Variants in KIF13A observed in about 807,000 individuals in gnomAD.
KIF13A encodes kinesin-like protein KIF13A.
KIF13A carries 79 observed loss-of-function variants against 212.2 expected under a neutral mutation model. That is an observed-to-expected ratio of 0.37 (90% confidence interval 0.31 to 0.45). KIF13A has a LOEUF of 0.45. Ranked by LOEUF, KIF13A falls within the 20% of genes least tolerant of loss-of-function variation. The pLI, the probability that KIF13A is intolerant of heterozygous loss-of-function variation, is 1.00. For missense variants in KIF13A, 1,901 were observed against 2,209.0 expected (o/e 0.86, Z 2.79); for synonymous variants, 789 against 808.6 (o/e 0.98, Z 0.41).
At chr6:17,862,153 T>A (rs921896905) in intron 4 of KIF13A, among the ~76,000 whole-genome samples, 1 of 152,078 alleles carries the variant, frequency 6.6e-6, no homozygotes, top group African/African-American at 2.4e-5. Flanking sequence ...ACAACTGGGA[T>A]TATAGATGTG....
chr6:17,845,107 C>T (rs1766889131), intron 9 of KIF13A, among the ~76,000 whole-genome samples: 1 of 152,110 alleles, frequency 6.6e-6, no homozygotes, highest in African/African-American at 2.4e-5. Flanking sequence ...ACATCGGTGG[C>T]AGGCAAGAGA....
At chr6:17,854,868 G>A (rs74875606) in intron 6 of KIF13A, among the ~76,000 whole-genome samples, 8,240 of 152,012 alleles carry the variant, frequency 0.054, 306 homozygotes, top group Middle Eastern at 0.082. Flanking sequence ...TTTTTTAATT[G>A]AGAAAAAGTA....
At chr6:17,821,850 A>G (rs1441582131) in intron 16 of KIF13A, 4 of 1,535,310 alleles carry the variant, frequency 2.6e-6, no homozygotes, top group Non-Finnish European at 3.5e-6. Flanking sequence ...GGATCTTCAA[A>G]TAAGACCACC....
Position 17,764,670 on chromosome 6 carries a change from A to C in KIF13A, c.4858T>G (p.Ser1620Ala). Reference sequence around the variant, plus strand: ...TTCGTCTGAATGGCCAGCTGGTCTGAGCTGTCACTAGAAGGGACCACCATG... The same window carrying C: ...TTCGTCTGAATGGCCAGCTGGTCTGCGCTGTCACTAGAAGGGACCACCATG... ...SDMVVPSSDS[S>A]DQLAIQTKDA... The change falls in exon 39 of 39, where the codon TCA becomes GCA. Residue 1620 changes from serine (S) to alanine (A), a missense_variant. Ser to Ala is a moderately conservative substitution (Grantham distance 99). Around this residue, in one of 5 missense-constraint regions of KIF13A, gnomAD observed 687 missense variants for 759.1 expected, o/e 0.90. Coordinates refer to ENST00000259711, the MANE Select transcript of KIF13A (RefSeq NM_022113.6). This position sits in a 1 kb window ranked among gnomAD's most constrained non-coding sequence, Gnocchi z 5.1. The C allele has an allele frequency of 1.2e-6, 2 of 1,613,708 alleles. No individual in the cohort carries two copies. Among genetic ancestry groups the C allele is most frequent in the Non-Finnish European group, 1.7e-6 (2 of 1,179,800 alleles).
chr6:17,935,972 T>TC (rs1776425704), intron 2 of KIF13A, among the ~76,000 whole-genome samples: 1 of 152,198 alleles, frequency 6.6e-6, no homozygotes, highest in Non-Finnish European at 1.5e-5. Flanking sequence ...AGGTTTTTTT[T>TC]CTTAACGAAA....
chr6:17,941,789 CT>C (rs201442914), intron 2 of KIF13A, among the ~76,000 whole-genome samples: 460 of 137,954 alleles, frequency 3.3e-3, no homozygotes, highest in Non-Finnish European at 3.7e-3. Flanking sequence ...AATACATTTG[CT>C]TTTTTTTTTT....
chr6:17,875,954 G>C (rs1411770632), intron 3 of KIF13A, among the ~76,000 whole-genome samples: 1 of 152,072 alleles, frequency 6.6e-6, no homozygotes, highest in African/African-American at 2.4e-5. Context: ...AATATTAAAG[G>C]CTCTAAAAAG....
intron 2 of KIF13A, among the ~76,000 whole-genome samples, chr6:17,959,119 T>C (rs1264602365): frequency 6.6e-6 from 1 of 152,134 alleles, no homozygotes; most frequent in East Asian, 1.9e-4. Flanking sequence ...GTCATTTATC[T>C]CTAAATAAAA....
At position 17,764,940 on chromosome 6, in the gene KIF13A, C is replaced by G. The variant is rs772395057; in HGVS notation, c.4588G>C (p.Glu1530Gln). 1.9e-5 allele frequency: 30 copies of G among 1,605,116 alleles called. No homozygotes were observed. The highest frequency in any genetic ancestry group is 2.4e-5 in the Non-Finnish European group (28 of 1,175,548). The change falls in exon 39 of 39, where the codon GAG becomes CAG. Residue 1530 changes from glutamate (E) to glutamine (Q), a missense_variant. By Grantham distance (29) the Glu-to-Gln change is conservative. This residue lies in a region of KIF13A where 687 missense variants were observed against 759.1 expected (regional missense o/e 0.90). Coordinates refer to ENST00000259711, the MANE Select transcript of KIF13A (RefSeq NM_022113.6). The surrounding 1 kb of genome is among the most constrained non-coding windows in gnomAD (Gnocchi z 5.1). ...NSKREKKIDS[E>Q]EEENELEAIN... ...GCTTCCAGCTCATTTTCTTCCTCCT[C>G]AGAGTCCTATAGAAGTGAAGCAAAA...
At chr6:17,955,555 C>T (rs1419342094) in intron 2 of KIF13A, among the ~76,000 whole-genome samples, 1 of 152,162 alleles carries the variant, frequency 6.6e-6, no homozygotes, top group Non-Finnish European at 1.5e-5. Flanking sequence ...AGACAATGTG[C>T]ATTCACTATA....
Position 17,892,518 on chromosome 6 carries a change from T to C in KIF13A, c.159+5650A>G, listed in dbSNP as rs947502842. The stretch of plus-strand genomic sequence containing the variant: ...TGTGCAGTGATAAGAGTGTCTTTTG[T>C]ATGCTAATGAGATGACTGGTGGCTG... On this transcript the variant is annotated intron_variant, in intron 3 of 38. Transcript: ENST00000259711. The surrounding 1 kb of genome is among the most constrained non-coding windows in gnomAD (Gnocchi z 4.7). Among the ~76,000 whole-genome samples, 8 of 152,212 alleles carry C rather than the reference T, an allele frequency of 5.3e-5. No individual in the cohort carries two copies. The highest frequency in any genetic ancestry group is 1.2e-4 in the Non-Finnish European group (8 of 68,042).
chr6:17,847,821 A>T (rs1017364421), intron 9 of KIF13A, among the ~76,000 whole-genome samples: 25 of 151,916 alleles, frequency 1.6e-4, no homozygotes, highest in African/African-American at 5.6e-4. Flanking sequence ...TATTATTATT[A>T]TTTTTTTGAG....
intron 2 of KIF13A, among the ~76,000 whole-genome samples, chr6:17,902,110 T>C (rs1396009307): frequency 1.3e-5 from 2 of 152,240 alleles, no homozygotes; most frequent in Non-Finnish European, 2.9e-5. Context: ...GAGGCAATGA[T>C]TTTGTTCAGT....
intron 3 of KIF13A, among the ~76,000 whole-genome samples, chr6:17,887,353 T>C (rs1561722620): frequency 1.3e-5 from 2 of 152,322 alleles, no homozygotes; most frequent in East Asian, 3.8e-4. Flanking sequence ...TTGTTACTGT[T>C]GCATCACGGA....
intron 3 of KIF13A, among the ~76,000 whole-genome samples, chr6:17,884,595 G>C (rs1771373977): frequency 6.6e-6 from 1 of 152,226 alleles, no homozygotes; most frequent in Non-Finnish European, 1.5e-5. Flanking sequence ...GTTTGGTTCT[G>C]TGTCAAAAAT....
In KIF13A at chr6:17,794,390, A is replaced by G; in HGVS notation, c.3081T>C (p.His1027=). ...TGGIFQLRQG[H]SRRVQVTVKP... is the part of the protein sequence containing the mutation. ...TCACCGTGACTTGTACTCTACGGGA[A>G]TGACCCTGAAGAGGGTGGGGAGGAG... Residue 1027 remains histidine (H), a synonymous_variant, in exon 25 of 39, where the codon CAT becomes CAC. Transcript: ENST00000259711. The surrounding 1 kb of genome is among the most constrained non-coding windows in gnomAD (Gnocchi z 4.1). 6.2e-7 allele frequency: 1 copy of G among 1,612,820 alleles called. No individual in the cohort carries two copies.
intron 20 of KIF13A, among the ~76,000 whole-genome samples, chr6:17,802,943 T>G (rs1259553365): frequency 7.0e-4 from 69 of 99,208 alleles, no homozygotes; most frequent in African/African-American, 2.0e-3. Flanking sequence ...TTTTTTTTTG[T>G]TTTGTTTTGA....
Position 17,963,487 on chromosome 6 carries a change from T to C in KIF13A, c.146+23567A>G, listed in dbSNP as rs1472792058. ...AACATGGATAGATAAGGTCTTACAA[T>C]ATGAAGAAATATATTACCGATGACC... On this transcript the variant is annotated intron_variant, in intron 2 of 38. Coordinates refer to ENST00000259711, the MANE Select transcript of KIF13A (RefSeq NM_022113.6). This position sits in a 1 kb window ranked among gnomAD's most constrained non-coding sequence, Gnocchi z 4.1. Among the ~76,000 whole-genome samples, 1 of 152,148 alleles carries C rather than the reference T, an allele frequency of 6.6e-6. No individual in the cohort carries two copies. Among genetic ancestry groups the C allele is most frequent in the Admixed American group, 6.5e-5 (1 of 15,268 alleles).
intron 20 of KIF13A, among the ~76,000 whole-genome samples, chr6:17,800,318 A>G (rs891515614): frequency 6.6e-6 from 1 of 151,764 alleles, no homozygotes; most frequent in Non-Finnish European, 1.5e-5. Flanking sequence ...GTGTGAGCCA[A>G]ATTTGCCTCC....
Sources: allele counts gnomAD v4.1 joint callset (sites outside exome capture counted in the v4.1 genomes callset), GRCh38; gene constraint gnomAD v4.1.1; regional missense constraint gnomAD v4.1.1; non-coding constraint Gnocchi (gnomAD v3.1); transcripts MANE v1.5; gene names NCBI Gene and HGNC (gene_info 2026-07-23, HGNC 2026-07-21).